Variants in GGA2 observed in about 807,000 individuals in gnomAD.
GGA2 encodes the protein golgi associated, gamma adaptin ear containing, ARF binding protein 2, also known as ADP-ribosylation factor-binding protein GGA2.
GGA2 carries 48 observed loss-of-function variants against 79.5 expected under a neutral mutation model. The observed-to-expected ratio is 0.60, with a 90% CI of 0.48 to 0.77. The LOEUF is 0.77. GGA2 is among the 30% of genes least tolerant of loss of function. The probability of loss-of-function intolerance (pLI) is 0.00; values close to 1 mark genes in which losing one functional copy is unlikely to be tolerated. For synonymous variants in GGA2, 317 were observed against 302.0 expected, an observed-to-expected ratio of 1.05 and a Z score of -0.51; for missense variants, 770 against 774.0, an observed-to-expected ratio of 0.99 and a Z score of 0.06.
intron 1 of GGA2, among the ~76,000 whole-genome samples, chr16:23,505,735 T>C (rs1352372375): frequency 5.1e-5 from 7 of 138,232 alleles, no homozygotes; most frequent in Non-Finnish European, 1.1e-4. Flanking sequence ...CCCCAGGTCA[T>C]GCTGACTCCA....
intron 6 of GGA2, 122 bp downstream of exon 6, chr16:23,488,484 T>A: frequency 1.4e-6 from 1 of 720,868 alleles, no homozygotes; most frequent in Non-Finnish European, 2.5e-6. Context: ...CCTAAGGGCC[T>A]GTCTGGAGAG....
intron 6 of GGA2, 68 bp downstream of exon 6, chr16:23,488,538 A>T: frequency 1.1e-6 from 1 of 919,306 alleles, no homozygotes; most frequent in Non-Finnish European, 1.8e-6. Flanking sequence ...CGATTCAAGC[A>T]TCAAAGGGCA....
chr16:23,476,903 G>A (rs989245059), intron 13 of GGA2, among the ~76,000 whole-genome samples: 1 of 152,164 alleles, frequency 6.6e-6, no homozygotes. Context: ...GCCAAAGCAG[G>A]TATTTTCCTA....
At chr16:23,515,710 C>G (rs973840120) in intron 2 of GGA2, among the ~76,000 whole-genome samples, 2 of 151,862 alleles carry the variant, frequency 1.3e-5, no homozygotes, top group African/African-American at 2.4e-5. Context: ...TCCTGGATTT[C>G]AGGCATTCAG....
chr16:23,481,471 A>G (rs1197715508), intron 9 of GGA2, among the ~76,000 whole-genome samples: 1 of 152,088 alleles, frequency 6.6e-6, no homozygotes, highest in Non-Finnish European at 1.5e-5. Flanking sequence ...CAGAGGGCCT[A>G]TTTTCATGCA....
At chr16:23,482,755 C>T (rs1210108404) in intron 9 of GGA2, among the ~76,000 whole-genome samples, 168 bp downstream of exon 9, 1 of 152,164 alleles carries the variant, frequency 6.6e-6, no homozygotes, top group Non-Finnish European at 1.5e-5. Context: ...AAGCCTGGAT[C>T]CTGCTGGAAG....
intron 16 of GGA2, 55 bp downstream of exon 16, chr16:23,468,831 C>G: frequency 1.0e-6 from 1 of 977,628 alleles, no homozygotes; most frequent in Non-Finnish European, 1.7e-6. Flanking sequence ...AAAGTTACCT[C>G]CCCTTACAGT....
chr16:23,491,569 T>G, intron 5 of GGA2, 108 bp downstream of exon 5: 1 of 837,914 alleles, frequency 1.2e-6, no homozygotes, highest in Non-Finnish European at 1.9e-6. Context: ...GTGTCTATGG[T>G]CCTACATAAG....
chr16:23,473,298 G>A (rs1332655526), intron 14 of GGA2, among the ~76,000 whole-genome samples: 1 of 123,646 alleles, frequency 8.1e-6, no homozygotes, highest in East Asian at 2.6e-4. Flanking sequence ...ATCTCTGGCT[G>A]TTAATGGTAT....
At chr16:23,503,989 G>A (rs925367733) in intron 1 of GGA2, among the ~76,000 whole-genome samples, 1 of 151,906 alleles carries the variant, frequency 6.6e-6, no homozygotes, top group East Asian at 1.9e-4. Flanking sequence ...GCTAAAGCAG[G>A]AGAATTGCTT....
intron 1 of GGA2, among the ~76,000 whole-genome samples, chr16:23,496,694 C>T (rs1326874579): frequency 6.6e-6 from 1 of 151,996 alleles, no homozygotes; most frequent in Non-Finnish European, 1.5e-5. Context: ...CGATGGCTCA[C>T]GCCTGTAATC....
At chr16:23,501,842 A>G (rs981743863) in intron 1 of GGA2, among the ~76,000 whole-genome samples, 6 of 152,168 alleles carry the variant, frequency 3.9e-5, no homozygotes, top group African/African-American at 1.4e-4. Context: ...TGGTGGTATG[A>G]ACAGTGGGTG....
intron 1 of GGA2, among the ~76,000 whole-genome samples, chr16:23,502,038 A>T (rs2142140609): frequency 6.6e-6 from 1 of 152,336 alleles, no homozygotes; most frequent in South Asian, 2.1e-4. Flanking sequence ...AGTCCCTAGC[A>T]TGTGACAGTG....
chr16:23,509,746 A>G (rs1286114714), intron 1 of GGA2, among the ~76,000 whole-genome samples: 1 of 149,810 alleles, frequency 6.7e-6, no homozygotes, highest in East Asian at 2.0e-4. Flanking sequence ...AAAAACACAC[A>G]TATATATATA....
chr16:23,491,551 C>T, intron 5 of GGA2, 126 bp downstream of exon 5: 1 of 458,078 alleles, frequency 2.2e-6, no homozygotes, highest in African/African-American at 2.1e-5. Flanking sequence ...AAAAAAAACT[C>T]TACCTCAGTG....
intron 3 of GGA2, 165 bp from the exon 4 acceptor site, chr16:23,493,623 GA>G: frequency 5.0e-6 from 3 of 597,180 alleles, no homozygotes; most frequent in East Asian, 2.8e-5. Flanking sequence ...TTCAGATCAA[GA>G]AAAAAATGTC....
chr16:23,501,761 CT>C (rs1567369402), intron 1 of GGA2: 2 of 159,482 alleles, frequency 1.3e-5, no homozygotes, highest in East Asian at 1.9e-4. Context: ...TTAGGATTTT[CT>C]TTTTTTGTTG....
At chr16:23,467,902 T>C (rs1964462028) in intron 16 of GGA2, among the ~76,000 whole-genome samples, 1 of 152,186 alleles carries the variant, frequency 6.6e-6, no homozygotes, top group Admixed American at 6.5e-5. Flanking sequence ...TGAGATGGGC[T>C]GCAATTCAGA....
At chr16:23,513,904 GGAA>G (rs574936014), upstream of GGA2, among the ~76,000 whole-genome samples, 12 of 152,162 alleles carry the variant, frequency 7.9e-5, no homozygotes, top group Admixed American at 3.3e-4. Context: ...CCTATACCTA[GGAA>G]GAAGGAGTGA....
Sources: allele counts gnomAD v4.1 joint callset (sites outside exome capture counted in the v4.1 genomes callset), GRCh38; gene constraint gnomAD v4.1.1; transcripts MANE v1.5; gene names NCBI Gene and HGNC (gene_info 2026-07-23, HGNC 2026-07-21).